CSMD3: variants seen among roughly 807,000 people sequenced by gnomAD.
The protein encoded by CSMD3 is CUB and Sushi multiple domains 3, also known as CUB and sushi domain-containing protein 3.
Under a neutral mutation model 435.2 loss-of-function variants are expected in CSMD3, and 177 were observed. The ratio of observed to expected loss-of-function variants is 0.41; its 90% CI spans 0.36 to 0.46. The LOEUF (loss-of-function observed/expected upper bound fraction) is 0.46. Ranked by LOEUF, CSMD3 falls within the 20% of genes least tolerant of loss-of-function variation. The pLI is 0.34. For synonymous variants in CSMD3, 1,656 were observed against 1,520.5 expected, an observed-to-expected ratio of 1.09 and a Z score of -2.07; for missense variants, 4,265 against 4,504.6, an observed-to-expected ratio of 0.95 and a Z score of 1.52.
At chr8:113,392,722 A>T (rs1419854758) in intron 1 of CSMD3, among the ~76,000 whole-genome samples, 2 of 152,024 alleles carry the variant, frequency 1.3e-5, no homozygotes, top group African/African-American at 2.4e-5. Flanking sequence ...TTTTTCAACA[A>T]ATATTTAGGA....
chr8:112,573,469 G>A (rs1412749836), intron 24 of CSMD3, 32 bp downstream of exon 24: 2 of 1,570,866 alleles, frequency 1.3e-6, no homozygotes, highest in East Asian at 2.2e-5. Flanking sequence ...GCACCCCAGT[G>A]TTTGGCCATT....
chr8:113,042,482 G>A (rs1205147020), intron 5 of CSMD3, among the ~76,000 whole-genome samples: 1 of 151,984 alleles, frequency 6.6e-6, no homozygotes, highest in Non-Finnish European at 1.5e-5. Context: ...TTTTGCAGAG[G>A]TATATTTTAG....
chr8:112,581,083 T>G (rs6469423), intron 23 of CSMD3, among the ~76,000 whole-genome samples: 26 of 151,926 alleles, frequency 1.7e-4, no homozygotes, highest in African/African-American at 6.0e-4. Context: ...GGGGCAGGCA[T>G]TGTGCTGAGT....
chr8:112,224,598 AC>A lies in CSMD3; in HGVS notation c.*172del, dbSNP rs1341499922. 1 of 690,484 alleles carries A rather than the reference AC, an allele frequency of 1.4e-6. No homozygotes were observed. The highest frequency in any genetic ancestry group is 1.8e-5 in the African/African-American group (1 of 56,632). 42.8% of individuals were successfully genotyped at this position (690,484 alleles called of 1,614,324 possible). ...ATTTCTGTAAAACTCTCCATGGTAA[AC>A]ATGAAGAATTATGGTCCAGTTTATG... On this transcript the variant is annotated 3_prime_UTR_variant, in exon 71 of 71. Transcript: ENST00000297405.
At chr8:112,917,567 C>T (rs887226900) in intron 10 of CSMD3, among the ~76,000 whole-genome samples, 1 of 151,822 alleles carries the variant, frequency 6.6e-6, no homozygotes, top group Non-Finnish European at 1.5e-5. Flanking sequence ...AGTTAACAAT[C>T]GGCAACATCA....
In CSMD3 at chr8:112,645,206, A is replaced by G. The variant is rs1170123146; in HGVS notation, c.3213T>C (p.Val1071=). Residue 1071 remains valine, a synonymous_variant, in exon 20 of 71, where the codon GTT becomes GTC. Transcript: ENST00000297405. The part of the protein sequence containing the change: ...PTCDALCGGD[V]RGPSGTILSP... ...ATAAGATTGTTCCACTAGGCCCTCTAACATCTCCTCCACATAATGCTGAAA... is the reference window on the plus strand; with the variant it reads ...ATAAGATTGTTCCACTAGGCCCTCTGACATCTCCTCCACATAATGCTGAAA... 6.3e-7 allele frequency: 1 copy of G among 1,581,582 alleles called. No homozygotes were observed. Among genetic ancestry groups the G allele is most frequent in the Non-Finnish European group, 8.7e-7 (1 of 1,150,568 alleles).
At chr8:113,206,425 T>A (rs1225035742) in intron 3 of CSMD3, among the ~76,000 whole-genome samples, 1 of 152,164 alleles carries the variant, frequency 6.6e-6, no homozygotes, top group African/African-American at 2.4e-5. Flanking sequence ...CCTTATCACA[T>A]CCTGTTCCTG....
At chr8:112,410,481 T>C (rs1171414096) in intron 32 of CSMD3, among the ~76,000 whole-genome samples, 1 of 119,274 alleles carries the variant, frequency 8.4e-6, no homozygotes, top group East Asian at 2.5e-4. Flanking sequence ...CCAAGCTACT[T>C]CCAAAATACT....
At chr8:112,389,130 A>T (rs1830201831) in intron 36 of CSMD3, among the ~76,000 whole-genome samples, 1 of 152,228 alleles carries the variant, frequency 6.6e-6, no homozygotes, top group Admixed American at 6.5e-5. Flanking sequence ...TCACTATGAG[A>T]CTGGCTCTAT....
intron 19 of CSMD3, among the ~76,000 whole-genome samples, chr8:112,645,660 A>C (rs2074960217): frequency 6.6e-6 from 1 of 152,164 alleles, no homozygotes; most frequent in Non-Finnish European, 1.5e-5. Flanking sequence ...TGAGTTGTAA[A>C]AGTTTTTAAG....
chr8:112,239,368 G>C (rs1445631970), intron 66 of CSMD3, among the ~76,000 whole-genome samples: 2 of 152,000 alleles, frequency 1.3e-5, no homozygotes, highest in Non-Finnish European at 2.9e-5. Context: ...AAGATTTTAT[G>C]TAAGATTTTC....
intron 1 of CSMD3, among the ~76,000 whole-genome samples, chr8:113,387,849 T>G (rs899655087): frequency 6.6e-6 from 1 of 151,746 alleles, no homozygotes; most frequent in Non-Finnish European, 1.5e-5. Flanking sequence ...CTAATCTAAA[T>G]GTATTACTGT....
chr8:112,893,120 T>A lies in CSMD3; in HGVS notation c.1633+28507A>T, dbSNP rs187659528. On this transcript the variant is annotated intron_variant, in intron 10 of 70. Transcript: ENST00000297405. ...ACAAAACTACTACTACTACTACAAC[T>A]ACTACTACTACTACTACTATCAGCT... Among the ~76,000 whole-genome samples, 608 of 150,704 alleles carry A rather than the reference T, an allele frequency of 4.0e-3. 4 individuals carry two copies. The highest frequency in any genetic ancestry group is 7.5e-3 in the Non-Finnish European group (508 of 67,430).
intron 5 of CSMD3, among the ~76,000 whole-genome samples, chr8:113,038,239 CAT>C (rs1345687292): frequency 6.6e-6 from 1 of 152,022 alleles, no homozygotes; most frequent in Non-Finnish European, 1.5e-5. Flanking sequence ...GAATATAAAA[CAT>C]ATATGTAATA....
chr8:112,345,935 C>A (rs1825628891), intron 41 of CSMD3, among the ~76,000 whole-genome samples, 162 bp downstream of exon 41: 1 of 151,972 alleles, frequency 6.6e-6, no homozygotes, highest in Non-Finnish European at 1.5e-5. Flanking sequence ...ACTTAAGCAA[C>A]AATTATTTAA....
intron 12 of CSMD3, among the ~76,000 whole-genome samples, chr8:112,806,818 G>A (rs1225120657): frequency 6.6e-6 from 1 of 152,118 alleles, no homozygotes; most frequent in Non-Finnish European, 1.5e-5. Flanking sequence ...CCTGTTAGTA[G>A]TCATACAAGG....
chr8:112,733,974 T>C (rs1452200730), intron 13 of CSMD3, among the ~76,000 whole-genome samples: 2 of 151,596 alleles, frequency 1.3e-5, no homozygotes, highest in African/African-American at 2.4e-5. Flanking sequence ...TTAATCATTA[T>C]TATCCTCCAA....
chr8:112,593,921 G>A (rs1433664975), intron 22 of CSMD3, among the ~76,000 whole-genome samples: 2 of 152,062 alleles, frequency 1.3e-5, no homozygotes, highest in Admixed American at 1.3e-4. Flanking sequence ...TGATGTTTTT[G>A]TCTTTGGTTT....
chr8:113,435,948 C>G (rs2094703487), intron 1 of CSMD3, among the ~76,000 whole-genome samples: 1 of 152,068 alleles, frequency 6.6e-6, no homozygotes, highest in Non-Finnish European at 1.5e-5. Context: ...CTCACTCTAC[C>G]TGTCTGAACG....
Sources: allele counts gnomAD v4.1 joint callset (sites outside exome capture counted in the v4.1 genomes callset), GRCh38; gene constraint gnomAD v4.1.1; transcripts MANE v1.5; gene names NCBI Gene and HGNC (gene_info 2026-07-23, HGNC 2026-07-21).